Variants in MAGI2 observed in about 807,000 individuals in gnomAD.
The protein encoded by MAGI2 is membrane associated guanylate kinase, WW and PDZ domain containing 2.
A neutral mutation model predicts 133.3 loss-of-function variants in MAGI2; 35 were observed. That is an observed-to-expected ratio of 0.26 (90% CI 0.20 to 0.35). The LOEUF (loss-of-function observed/expected upper bound fraction) is 0.35. Among genes scored for constraint, MAGI2 ranks in the 10% least tolerant of loss-of-function variants. The pLI, the probability that MAGI2 is intolerant of heterozygous loss-of-function variation, is 1.00. For synonymous variants in MAGI2, 729 were observed against 710.6 expected (o/e 1.03, Z -0.41); for missense variants, 1,636 against 1,863.4 (o/e 0.88, Z 2.25).
At chr7:78,222,157 T>A (rs1788899269) in intron 10 of MAGI2, among the ~76,000 whole-genome samples, 1 of 152,208 alleles carries the variant, frequency 6.6e-6, no homozygotes, top group Non-Finnish European at 1.5e-5. Flanking sequence ...CATCATTCTG[T>A]GTCTTCTTAC....
chr7:79,068,524 C>G (rs538238900), intron 1 of MAGI2, among the ~76,000 whole-genome samples: 1 of 151,852 alleles, frequency 6.6e-6, no homozygotes, highest in Non-Finnish European at 1.5e-5. Context: ...TTTTGTTGAT[C>G]TTTTCAAAAA....
chr7:79,443,285 C>CGTGT (rs10600873), intron 1 of MAGI2, among the ~76,000 whole-genome samples: 29,190 of 138,766 alleles, frequency 0.21, 3,074 homozygotes, highest in Non-Finnish European at 0.23. Flanking sequence ...TGTGTGTGTG[C>CGTGT]GTGTGTGTGT....
chr7:79,004,065 G>A (rs542900016), intron 2 of MAGI2, among the ~76,000 whole-genome samples: 1 of 152,268 alleles, frequency 6.6e-6, no homozygotes, highest in South Asian at 2.1e-4. Context: ...AACTGAAATA[G>A]AATTGCCATA....
chr7:78,948,619 T>C (rs1217614995), intron 2 of MAGI2, among the ~76,000 whole-genome samples: 1 of 152,120 alleles, frequency 6.6e-6, no homozygotes, highest in Non-Finnish European at 1.5e-5. Context: ...AGAACGACAT[T>C]AGGCAGAAGT....
chr7:79,136,003 G>GAGAAAGAA lies in MAGI2; in HGVS notation c.302-128805_302-128798dup, dbSNP rs1554375907. Reference sequence around the variant, plus strand: ...AGAAAGAAAGAAAGAAAGAAAGAAAGAGAAAGAAAGAAAGAAAGAAAGAAG... The same window carrying GAGAAAGAA: ...AGAAAGAAAGAAAGAAAGAAAGAAAGAGAAAGAAAGAAAGAAAGAAAGAAAGAAAGAAG... On this transcript the variant is annotated intron_variant, in intron 1 of 21. Transcript: ENST00000354212. 8.7e-3 allele frequency among the ~76,000 whole-genome samples: 354 copies of GAGAAAGAA among 40,824 alleles called. 12 individuals carry two copies. The highest frequency in any genetic ancestry group is 0.016 in the African/African-American group (174 of 11,194). 26.8% of individuals were successfully genotyped at this position (40,824 alleles called of 152,430 possible). A position where few individuals can be genotyped will look rare whatever the true frequency, so the allele number is the denominator to read the frequency against.
chr7:79,393,572 C>T (rs995288361), intron 1 of MAGI2, among the ~76,000 whole-genome samples: 1 of 152,172 alleles, frequency 6.6e-6, no homozygotes, highest in Non-Finnish European at 1.5e-5. Context: ...TTCTCAGTTG[C>T]GTATATGAAA....
intron 6 of MAGI2, among the ~76,000 whole-genome samples, chr7:78,414,925 A>G (rs1798167247): frequency 6.6e-6 from 1 of 152,136 alleles, no homozygotes; most frequent in Non-Finnish European, 1.5e-5. Context: ...TATTTCAGAC[A>G]TTTAAATAAT....
At chr7:78,081,765 G>T (rs932368307) in intron 20 of MAGI2, among the ~76,000 whole-genome samples, 4 of 152,202 alleles carry the variant, frequency 2.6e-5, no homozygotes, top group Non-Finnish European at 4.4e-5. Flanking sequence ...AAGCTGAGTG[G>T]TGGTTAGAAA....
At chr7:78,577,085 G>T (rs556082875) in intron 3 of MAGI2, among the ~76,000 whole-genome samples, 37 of 152,184 alleles carry the variant, frequency 2.4e-4, no homozygotes, top group Admixed American at 2.2e-3. Flanking sequence ...ACTTAACACC[G>T]TGCTTTCTAC....
chr7:78,622,300 G>C (rs1419037909), intron 3 of MAGI2, among the ~76,000 whole-genome samples: 1 of 151,824 alleles, frequency 6.6e-6, no homozygotes, highest in Non-Finnish European at 1.5e-5. Flanking sequence ...TATTTTCTTT[G>C]GTGTATTCAC....
chr7:78,266,287 A>G (rs922663807), intron 9 of MAGI2, among the ~76,000 whole-genome samples: 7 of 152,058 alleles, frequency 4.6e-5, no homozygotes, highest in Non-Finnish European at 1.0e-4. Flanking sequence ...TGCAGTCTTG[A>G]CCTTCAGGGT....
chr7:78,551,199 A>G (rs998593934), intron 3 of MAGI2, among the ~76,000 whole-genome samples: 27 of 152,332 alleles, frequency 1.8e-4, no homozygotes, highest in Admixed American at 4.6e-4. Context: ...CCAAATCAGT[A>G]TATATTAAAT....
intron 10 of MAGI2, among the ~76,000 whole-genome samples, chr7:78,243,257 ACACACACACACACTCT>A (rs771606874): frequency 4.4e-3 from 192 of 43,314 alleles, no homozygotes; most frequent in Non-Finnish European, 9.5e-3. Flanking sequence ...ACACACACAC[ACACACACACACACTCT>A]CTCTCTCTCT....
At position 78,167,988 on chromosome 7, in the gene MAGI2, T is replaced by C. The variant is rs1479720624; in HGVS notation, c.2524A>G (p.Ile842Val). The part of the protein sequence containing the change: ...PVAGKTHRYV[I>V]DLMHHAARNG... ...CGGGCTGCGTGGTGCATGAGGTCGA[T>C]GACATAGCGGTGGGTTTTGCCGGCT... Residue 842 changes from isoleucine to valine, a missense_variant, in exon 15 of 22, where the codon ATC (isoleucine) becomes GTC (valine). Ile to Val is a conservative substitution (Grantham distance 29). This residue lies in a region of MAGI2 where 920 missense variants were observed against 1,093.5 expected (regional missense o/e 0.84). Coordinates refer to ENST00000354212, the MANE Select transcript of MAGI2 (RefSeq NM_012301.4). 2 of 1,614,110 alleles carry C rather than the reference T, an allele frequency of 1.2e-6. No individual in the cohort carries two copies. The highest frequency in any genetic ancestry group is 1.1e-5 in the South Asian group (1 of 91,078).
At chr7:78,910,341 T>A (rs1400708201) in intron 2 of MAGI2, among the ~76,000 whole-genome samples, 1 of 150,672 alleles carries the variant, frequency 6.6e-6, no homozygotes, top group African/African-American at 2.4e-5. Flanking sequence ...AAAGTGAAAA[T>A]TTTTCCCCAA....
intron 2 of MAGI2, among the ~76,000 whole-genome samples, chr7:78,715,145 G>T (rs12665877): frequency 0.28 from 42,209 of 151,964 alleles, 6,172 homozygotes; most frequent in South Asian, 0.42. Context: ...CAGGACTAAG[G>T]CAAATTAGCT....
rs112315811 is a variant in MAGI2 at position 78,794,621 on chromosome 7, C to T, written c.419-167382G>A. On this transcript the variant is annotated intron_variant, in intron 2 of 21. Coordinates refer to ENST00000354212, the MANE Select transcript of MAGI2 (RefSeq NM_012301.4). ...TGCAAAAGAAAAAAAAAAAAACAAT[C>T]CAAATTCTAAAGGAATATTTAAATG... is the stretch of plus-strand genomic sequence containing the variant. 9.0e-3 allele frequency among the ~76,000 whole-genome samples: 1,360 copies of T among 151,202 alleles called. 20 individuals are homozygous for T. Among genetic ancestry groups the T allele is most frequent in the African/African-American group, 0.031 (1,285 of 41,264 alleles).
At chr7:78,787,618 C>T (rs572467986) in intron 2 of MAGI2, among the ~76,000 whole-genome samples, 18 of 152,304 alleles carry the variant, frequency 1.2e-4, no homozygotes, top group South Asian at 1.0e-3. Context: ...ACTGCCAAAA[C>T]CATCAAGTTA....
chr7:79,085,779 C>A (rs1032891098), intron 1 of MAGI2, among the ~76,000 whole-genome samples: 1 of 151,810 alleles, frequency 6.6e-6, no homozygotes, highest in African/African-American at 2.4e-5. Context: ...GCCTAATTGT[C>A]GGCCAATGCT....
Sources: gnomAD v4.1 joint callset for allele counts (sites outside exome capture counted in the v4.1 genomes callset) on GRCh38, gnomAD v4.1.1 for gene constraint, gnomAD v4.1.1 regional missense constraint, MANE v1.5 for transcripts, NCBI Gene and HGNC (gene_info 2026-07-23, HGNC 2026-07-21) for gene names.